The following TULP3 variants were observed in gnomAD, a reference collection of about 807,000 sequenced individuals.
The protein encoded by TULP3 is tubby-related protein 3.
A neutral mutation model predicts 50.7 loss-of-function variants in TULP3; 38 were observed. That is an observed-to-expected ratio of 0.75 (90% CI 0.58 to 0.98). The LOEUF (loss-of-function observed/expected upper bound fraction) is 0.98. Among genes scored for constraint, TULP3 ranks in the 50% least tolerant of loss-of-function variants. The pLI, the probability that TULP3 is intolerant of heterozygous loss-of-function variation, is 0.00. For missense variants in TULP3, 550 were observed against 568.0 expected, an observed-to-expected ratio of 0.97 and a Z score of 0.32; for synonymous variants, 183 against 196.6, an observed-to-expected ratio of 0.93 and a Z score of 0.58.
At chr12:2,936,112 CA>C (rs1191238738) in intron 8 of TULP3, among the ~76,000 whole-genome samples, 1 of 151,310 alleles carries the variant, frequency 6.6e-6, no homozygotes, top group Non-Finnish European at 1.5e-5. Context: ...ACTAAAAATA[CA>C]AAAAAAATTA....
Position 2,940,333 on chromosome 12 carries a change from AAAAAAG to A in TULP3, c.*890_*895del. On this transcript the variant is annotated 3_prime_UTR_variant, in exon 11 of 11. Coordinates refer to ENST00000448120, the MANE Select transcript of TULP3 (RefSeq NM_003324.5). ...CATTTAGTTTAGTTAAAAAAAAAAA[AAAAAAG>A]GTGGCAGGAGAGGCTTTGGGGAGGA... 1 of 1,465,672 alleles carries A rather than the reference AAAAAAG, an allele frequency of 6.8e-7. No homozygotes were observed. The allele number at this position is 1,465,672 out of a possible 1,614,324, so 90.8% of individuals were successfully genotyped here.
chr12:2,891,135 C>A, intron 1 of TULP3, 147 bp downstream of exon 1: 1 of 974,830 alleles, frequency 1.0e-6, no homozygotes, highest in Non-Finnish European at 1.4e-6. Flanking sequence ...CGGCGGGAGG[C>A]GACCCCCTCG....
chr12:2,936,478 T>C (rs977096612), intron 8 of TULP3, among the ~76,000 whole-genome samples: 7 of 151,720 alleles, frequency 4.6e-5, no homozygotes, highest in Non-Finnish European at 1.0e-4. Flanking sequence ...AGGCCGGGCG[T>C]GGTGGCTCAC....
chr12:2,935,543 A>G (rs992376646), intron 8 of TULP3, among the ~76,000 whole-genome samples: 1 of 152,228 alleles, frequency 6.6e-6, no homozygotes, highest in Non-Finnish European at 1.5e-5. Context: ...GACCCATCTC[A>G]GCTGGTTTTT....
intron 5 of TULP3, 22 bp from the exon 6 acceptor site, chr12:2,931,015 T>C (rs201718774): frequency 1.9e-6 from 3 of 1,613,760 alleles, no homozygotes; most frequent in East Asian, 2.2e-5. Context: ...CTGTTGTTGC[T>C]CATGTATGGC....
intron 2 of TULP3, among the ~76,000 whole-genome samples, chr12:2,920,438 G>A (rs1325465412): frequency 6.6e-6 from 1 of 152,068 alleles, no homozygotes; most frequent in African/African-American, 2.4e-5. Flanking sequence ...GTGCCTTGGA[G>A]GTCAAGGCTG....
chr12:2,901,950 T>G (rs1329122758), intron 1 of TULP3, among the ~76,000 whole-genome samples: 6 of 152,206 alleles, frequency 3.9e-5, no homozygotes, highest in African/African-American at 1.4e-4. Context: ...CAAATAAGCA[T>G]GAATAACTAG....
At chr12:2,903,941 G>A (rs184724155) in intron 1 of TULP3, among the ~76,000 whole-genome samples, 5 of 152,084 alleles carry the variant, frequency 3.3e-5, no homozygotes, top group Admixed American at 2.6e-4. Flanking sequence ...CCACCACCAC[G>A]CCCAGCTAAT....
intron 2 of TULP3, among the ~76,000 whole-genome samples, chr12:2,917,945 T>G (rs1455664180): frequency 6.6e-6 from 1 of 151,292 alleles, no homozygotes; most frequent in Non-Finnish European, 1.5e-5. Context: ...AAAAATTAGC[T>G]GGGTGTGGTG....
At chr12:2,923,214 C>T (rs1488592977) in intron 4 of TULP3, among the ~76,000 whole-genome samples, 1 of 152,114 alleles carries the variant, frequency 6.6e-6, no homozygotes, top group African/African-American at 2.4e-5. Context: ...GATGAGAAAA[C>T]TGAAGCCCAA....
chr12:2,925,135 TC>T (rs929821644), intron 4 of TULP3, among the ~76,000 whole-genome samples: 1 of 150,712 alleles, frequency 6.6e-6, no homozygotes, highest in African/African-American at 2.4e-5. Flanking sequence ...GCCACTACAC[TC>T]CAGCCTGGGC....
chr12:2,939,301 CTGTTTCTAGCTGAT>C lies in TULP3; in HGVS notation c.1196-8_1201del. On this transcript the variant is annotated splice_acceptor_variant and splice_polypyrimidine_tract_variant and coding_sequence_variant and intron_variant, in exon 11 of 11. Coordinates refer to ENST00000448120, the MANE Select transcript of TULP3 (RefSeq NM_003324.5). LOFTEE classifies it high-confidence loss of function. The surrounding 1 kb of genome is among the most constrained non-coding windows in gnomAD (Gnocchi z 4.0). ...TATATTCTAACATGTTGATTTCTTT[CTGTTTCTAGCTGAT>C]TATATAGTCATGCAGTTTGGACGTG... The C allele has an allele frequency of 6.2e-7, 1 of 1,611,306 alleles. No individual in the cohort carries two copies. Among genetic ancestry groups the C allele is most frequent in the Admixed American group, 1.7e-5 (1 of 59,188 alleles).
chr12:2,937,789 G>T, intron 9 of TULP3, 60 bp downstream of exon 9: 1 of 1,124,222 alleles, frequency 8.9e-7, no homozygotes, highest in Non-Finnish European at 1.3e-6. Context: ...ACAATACACA[G>T]AGATTAATAC....
chr12:2,894,287 CGGGGGGGCGGGGCGG>C, intron 1 of TULP3, among the ~76,000 whole-genome samples: 3 of 4,158 alleles, frequency 7.2e-4, no homozygotes, highest in African/African-American at 3.5e-4. Context: ...GCCGAGATGG[CGGGGGGGCGGGGCGG>C]GGGGGGGGAA....
rs950620334 is a variant in TULP3, at chr12:2,940,911, G to A, written c.*1467G>A. 17 of 591,606 alleles carry A rather than the reference G, an allele frequency of 2.9e-5. No homozygotes were observed. Among genetic ancestry groups the A allele is most frequent in the African/African-American group, 9.4e-5 (5 of 53,304 alleles). 36.6% of individuals were successfully genotyped at this position (591,606 alleles called of 1,614,324 possible). A position where few individuals can be genotyped will look rare whatever the true frequency, so the allele number is the denominator to read the frequency against. Reference sequence around the variant, plus strand: ...ACCCCCCACCCCATCCTGAGGCACTGCCTGGCAGATAACCCTGGTTGGCCA... The same window carrying A: ...ACCCCCCACCCCATCCTGAGGCACTACCTGGCAGATAACCCTGGTTGGCCA... On this transcript the variant is annotated 3_prime_UTR_variant, in exon 11 of 11. Transcript: ENST00000448120.
At chr12:2,937,090 G>C (rs1365946099) in intron 8 of TULP3, among the ~76,000 whole-genome samples, 1 of 149,530 alleles carries the variant, frequency 6.7e-6, no homozygotes, top group East Asian at 2.0e-4. Context: ...TGGCGACAGA[G>C]CGTGACTCTG....
intron 1 of TULP3, among the ~76,000 whole-genome samples, chr12:2,902,771 A>G (rs1319990001): frequency 1.3e-5 from 2 of 152,154 alleles, no homozygotes; most frequent in African/African-American, 4.8e-5. Context: ...TCTGTTACTT[A>G]TCTTTAGCAA....
At chr12:2,932,456 T>A (rs1485931237) in intron 6 of TULP3, among the ~76,000 whole-genome samples, 1 of 151,894 alleles carries the variant, frequency 6.6e-6, no homozygotes, top group Admixed American at 6.6e-5. Flanking sequence ...GGCATGCACC[T>A]GTAGTTCCAG....
intron 2 of TULP3, among the ~76,000 whole-genome samples, chr12:2,915,592 G>A (rs900508172): frequency 6.7e-6 from 1 of 149,890 alleles, no homozygotes; most frequent in Non-Finnish European, 1.5e-5. Flanking sequence ...AGGCTGGAGT[G>A]CAGTGGTGCA....
Sources: allele counts gnomAD v4.1 joint callset (sites outside exome capture counted in the v4.1 genomes callset), GRCh38; gene constraint gnomAD v4.1.1; non-coding constraint Gnocchi (gnomAD v3.1); transcripts MANE v1.5; gene names NCBI Gene and HGNC (gene_info 2026-07-23, HGNC 2026-07-21).